GABRE: variants seen among roughly 807,000 people sequenced by gnomAD.
The protein encoded by GABRE is gamma-aminobutyric acid receptor subunit epsilon.
GABRE carries 20 observed loss-of-function variants against 31.0 expected under a neutral mutation model. The observed-to-expected ratio is 0.64, with a 90% CI of 0.45 to 0.94. The LOEUF is 0.94. Among genes scored for constraint, GABRE ranks in the 40% least tolerant of loss-of-function variants. The pLI, the probability that GABRE is intolerant of heterozygous loss-of-function variation, is 0.00. For synonymous variants in GABRE, 155 were observed against 150.6 expected, an observed-to-expected ratio of 1.03 and a Z score of -0.21; for missense variants, 420 against 410.7, an observed-to-expected ratio of 1.02 and a Z score of -0.20.
rs920979663 is a variant in GABRE, at chrX:151,973,617, C to A, written c.56+953G>T. Among the ~76,000 whole-genome samples, 5 of 111,313 alleles carry A rather than the reference C, an allele frequency of 4.5e-5. No individual in the cohort carries two copies. The Admixed American group carries it at 4.8e-4, about 11-fold the overall frequency. On this transcript the variant is annotated intron_variant, in intron 1 of 8. Coordinates refer to ENST00000370328, the MANE Select transcript of GABRE (RefSeq NM_004961.4). ...CGAGAAAGCTCCACAGATCAGGAAG[C>A]TTGCAAATTTGTGACACTTCACACA... is the stretch of plus-strand genomic sequence containing the variant.
rs1471764758 is a variant in GABRE, at chrX:151,962,579, G to A, written c.407C>T (p.Thr136Ile). 8.3e-7 allele frequency: 1 copy of A among 1,209,546 alleles called. No homozygotes were observed. The highest frequency in any genetic ancestry group is 1.1e-6 in the Non-Finnish European group (1 of 895,011). ...GCCATTCAGAACAAGAGACTCAAAG[G>A]TGTCGTTGTAACAGAGGCGTTCGTC... ...WYDERLCYND[T>I]FESLVLNGNV... Residue 136 changes from threonine to isoleucine, a missense_variant, in exon 4 of 9, where the codon ACC (threonine) becomes ATC (isoleucine). Physicochemically the swap from Thr to Ile is moderately conservative, Grantham distance 89 (BLOSUM62 -1). Coordinates refer to ENST00000370328, the MANE Select transcript of GABRE (RefSeq NM_004961.4).
chrX:151,965,905 G>C (rs1934510391), intron 3 of GABRE, among the ~76,000 whole-genome samples: 1 of 112,180 alleles, frequency 8.9e-6, no homozygotes, highest in African/African-American at 3.2e-5. Context: ...ATTTGAATGA[G>C]AGCCTCTGAC....
chrX:151,970,071 A>G, intron 2 of GABRE, 114 bp downstream of exon 2: 1 of 1,146,311 alleles, frequency 8.7e-7, no homozygotes, highest in Non-Finnish European at 1.2e-6. Flanking sequence ...TCAATAGCAG[A>G]TGTTCCTGTC....
intron 3 of GABRE, among the ~76,000 whole-genome samples, chrX:151,966,226 G>A (rs1011827233): frequency 3.6e-5 from 4 of 112,398 alleles, no homozygotes; most frequent in African/African-American, 9.7e-5. Context: ...TAGCTCAGCC[G>A]AAACTCTAGA....
At chrX:151,969,892 A>G in intron 2 of GABRE, 156 bp from the exon 3 acceptor site, 1 of 1,084,690 alleles carries the variant, frequency 9.2e-7, no homozygotes. Context: ...TTTCATGGCA[A>G]AACCAAGCTC....
intron 5 of GABRE, 134 bp from the exon 6 acceptor site, chrX:151,960,110 C>T (rs1359348388): frequency 1.8e-6 from 1 of 554,747 alleles, no homozygotes; most frequent in African/African-American, 2.3e-5. Context: ...CCTTGCCTCT[C>T]TTACCTCATT....
intron 4 of GABRE, among the ~76,000 whole-genome samples, chrX:151,961,807 G>GAAAAC (rs61666720): frequency 0.15 from 15,803 of 107,878 alleles, 1,090 homozygotes; most frequent in South Asian, 0.17. Context: ...TAACAAGAGA[G>GAAAAC]AAAACAAAAC....
chrX:151,955,830 T>G lies in GABRE; in HGVS notation c.815A>C (p.Asn272Thr). 1 of 1,211,885 alleles carries G rather than the reference T, an allele frequency of 8.3e-7. No homozygotes were observed. The highest frequency in any genetic ancestry group is 1.1e-6 in the Non-Finnish European group (1 of 895,516). Residue 272 changes from asparagine to threonine, a missense_variant, in exon 7 of 9, where the codon AAT (asparagine) becomes ACT (threonine). Coordinates refer to ENST00000370328, the MANE Select transcript of GABRE (RefSeq NM_004961.4). ...AACATAGCCAAACCGCCTGCTCACA[T>G]TGAAGAAAATCGTCATGACCATGAA... ...GDFMVMTIFF[N>T]VSRRFGYVAF...
chrX:151,961,456 C>A, intron 4 of GABRE, 91 bp from the exon 5 acceptor site: 1 of 572,050 alleles, frequency 1.7e-6, no homozygotes, highest in Non-Finnish European at 2.9e-6. Flanking sequence ...AATGAATGGC[C>A]AGAGTCAATT....
At chrX:151,974,481 G>T in intron 1 of GABRE, 89 bp downstream of exon 1, 1 of 628,120 alleles carries the variant, frequency 1.6e-6, no homozygotes, top group Non-Finnish European at 2.3e-6. Context: ...CGAGGAACGC[G>T]GGGCCGCTGG....
intron 5 of GABRE, among the ~76,000 whole-genome samples, chrX:151,960,822 T>C (rs959906710): frequency 2.7e-5 from 3 of 111,611 alleles, no homozygotes; most frequent in African/African-American, 6.5e-5. Flanking sequence ...ATTGATTAGA[T>C]GCAGGAGGTG....
intron 8 of GABRE, 141 bp from the exon 9 acceptor site, chrX:151,955,225 G>C (rs1346691169): frequency 7.6e-6 from 9 of 1,178,639 alleles, no homozygotes; most frequent in Non-Finnish European, 1.0e-5. Flanking sequence ...ATTACATCAG[G>C]AAGTTGATTC....
rs1201857603 is a variant in GABRE, at chrX:151,954,175, A to C, written c.*526T>G. 8.8e-6 allele frequency: 1 copy of C among 113,117 alleles called. No individual in the cohort carries two copies. The highest frequency in any genetic ancestry group is 1.8e-5 in the Non-Finnish European group (1 of 54,159). 9.3% of individuals were successfully genotyped at this position (113,117 alleles called of 1,213,427 possible). On this transcript the variant is annotated 3_prime_UTR_variant, in exon 9 of 9. Coordinates refer to ENST00000370328, the MANE Select transcript of GABRE (RefSeq NM_004961.4). Reference sequence around the variant, plus strand: ...AGAGAACTGAGAACATAATAATCTGACCAAAGGAGAGGGATCTCTTCCTCC... The same window carrying C: ...AGAGAACTGAGAACATAATAATCTGCCCAAAGGAGAGGGATCTCTTCCTCC...
At chrX:151,969,767 AGTGT>A in intron 2 of GABRE, 31 bp from the exon 3 acceptor site, 4 of 1,203,464 alleles carry the variant, frequency 3.3e-6, no homozygotes, top group Non-Finnish European at 4.5e-6. Context: ...GCAGAGGGTA[AGTGT>A]CAAACAGGCG....
At chrX:151,971,363 C>G (rs945911300) in intron 1 of GABRE, 5 of 293,748 alleles carry the variant, frequency 1.7e-5, no homozygotes, top group African/African-American at 1.4e-4. Flanking sequence ...GCCCCACTTG[C>G]TAATATCTGG....
intron 1 of GABRE, among the ~76,000 whole-genome samples, chrX:151,970,800 C>A (rs901203166): frequency 8.0e-5 from 9 of 112,398 alleles, no homozygotes; most frequent in Non-Finnish European, 1.5e-4. Flanking sequence ...AGGGCCAGGG[C>A]TGAGAGGAAT....
At chrX:151,971,451 T>G in intron 1 of GABRE, 1 of 196,914 alleles carries the variant, frequency 5.1e-6, no homozygotes, top group Non-Finnish European at 9.7e-6. Context: ...ATTTGAACAC[T>G]GAGTGGACAG....
At chrX:151,972,529 C>T in intron 1 of GABRE, 4 of 753,976 alleles carry the variant, frequency 5.3e-6, no homozygotes, top group Non-Finnish European at 6.3e-6. Context: ...AGCAGCCCCT[C>T]CCAGATGTCT....
At chrX:151,971,127 G>T (rs1440498959) in intron 1 of GABRE, 6 of 844,392 alleles carry the variant, frequency 7.1e-6, no homozygotes, top group Non-Finnish European at 8.7e-6. Context: ...ATCTGCCAAG[G>T]TATGAAACTC....
Sources: gnomAD v4.1 joint callset for allele counts (sites outside exome capture counted in the v4.1 genomes callset) on GRCh38, gnomAD v4.1.1 for gene constraint, MANE v1.5 for transcripts, NCBI Gene and HGNC (gene_info 2026-07-23, HGNC 2026-07-21) for gene names.